The following CNNM1 variants were observed in gnomAD, a reference collection of about 807,000 sequenced individuals.
CNNM1 encodes metal transporter CNNM1.
Under a neutral mutation model 78.8 loss-of-function variants are expected in CNNM1, and 44 were observed. The ratio of observed to expected loss-of-function variants is 0.56; its 90% confidence interval spans 0.44 to 0.72. CNNM1 has a LOEUF of 0.72. CNNM1 is among the 30% of genes least tolerant of loss of function. CNNM1 has a pLI of 0.00. For missense variants in CNNM1, 1,101 were observed against 1,292.2 expected (o/e 0.85, Z 2.27); for synonymous variants, 584 against 581.5 (o/e 1.00, Z -0.06).
intron 6 of CNNM1, among the ~76,000 whole-genome samples, chr10:99,376,085 G>C (rs2031951833): frequency 1.3e-5 from 2 of 152,208 alleles, no homozygotes; most frequent in African/African-American, 2.4e-5. Flanking sequence ...CCCCCCTCAG[G>C]CCTATGCAAG....
intron 1 of CNNM1, among the ~76,000 whole-genome samples, chr10:99,338,036 G>A (rs1181516958): frequency 6.6e-6 from 1 of 152,156 alleles, no homozygotes. Flanking sequence ...AGGGGTATGA[G>A]ATAAAATCTC....
chr10:99,385,043 A>G (rs1589923557), intron 7 of CNNM1, among the ~76,000 whole-genome samples: 1 of 149,114 alleles, frequency 6.7e-6, no homozygotes, highest in African/African-American at 2.5e-5. Context: ...ACAGAGCGAG[A>G]CTCCATCTCA....
chr10:99,356,600 G>GAAAGAAAGAAAGA (rs780076032), intron 1 of CNNM1, among the ~76,000 whole-genome samples: 301 of 129,296 alleles, frequency 2.3e-3, no homozygotes, highest in East Asian at 0.016. Flanking sequence ...AAGAAAGAAA[G>GAAAGAAAGAAAGA]AAAGAAAAGA....
intron 7 of CNNM1, among the ~76,000 whole-genome samples, chr10:99,381,756 C>T (rs1418297661): frequency 1.3e-5 from 2 of 148,894 alleles, no homozygotes; most frequent in South Asian, 4.2e-4. Context: ...AAAAAAAAAC[C>T]AAAAAACAAA....
intron 1 of CNNM1, among the ~76,000 whole-genome samples, chr10:99,347,124 C>G (rs1379644618): frequency 6.6e-6 from 1 of 151,966 alleles, no homozygotes; most frequent in Non-Finnish European, 1.5e-5. Context: ...GTATACCAAA[C>G]CTCTGTGACA....
chr10:99,378,808 G>C (rs1286151444), intron 7 of CNNM1, among the ~76,000 whole-genome samples: 1 of 152,170 alleles, frequency 6.6e-6, no homozygotes, highest in Non-Finnish European at 1.5e-5. Flanking sequence ...TCAAAGTTGG[G>C]TCTTTCTGCC....
At chr10:99,380,904 T>A (rs879613000) in intron 7 of CNNM1, among the ~76,000 whole-genome samples, 1 of 152,036 alleles carries the variant, frequency 6.6e-6, no homozygotes, top group African/African-American at 2.4e-5. Flanking sequence ...AAAGTCTGTT[T>A]CCCAACATGA....
Position 99,340,861 on chromosome 10 carries a change from G to GCTTCCTTC in CNNM1, c.1573+9912_1573+9919dup, listed in dbSNP as rs936044538. On this transcript the variant is annotated intron_variant, in intron 1 of 10. Coordinates refer to ENST00000356713, the MANE Select transcript of CNNM1 (RefSeq NM_020348.3). ...TCTCTTTCTCTTTCTCTCCTTCCCCGCTTCCTTCCTTCCTTCCTGCCTGCC... is the reference window on the plus strand; with the variant it reads ...TCTCTTTCTCTTTCTCTCCTTCCCCGCTTCCTTCCTTCCTTCCTTCCTTCCTGCCTGCC... Among the ~76,000 whole-genome samples the GCTTCCTTC allele has an allele frequency of 8.0e-4, 106 of 132,786 alleles. 3 individuals are homozygous for GCTTCCTTC. Among genetic ancestry groups the GCTTCCTTC allele is most frequent in the Middle Eastern group, 3.7e-3 (1 of 268 alleles). The allele number at this position is 132,786 out of a possible 152,430, so 87.1% of individuals were successfully genotyped here.
At chr10:99,387,692 G>A in intron 7 of CNNM1, 128 bp from the exon 8 acceptor site, 1 of 900,130 alleles carries the variant, frequency 1.1e-6, no homozygotes, top group Middle Eastern at 3.0e-4. Flanking sequence ...CCCCATTCGT[G>A]GATCTCAGGC....
At chr10:99,356,509 A>G (rs1184238171) in intron 1 of CNNM1, among the ~76,000 whole-genome samples, 2 of 148,756 alleles carry the variant, frequency 1.3e-5, no homozygotes, top group African/African-American at 2.5e-5. Context: ...AGAGAGAGAG[A>G]GAAAGAGAAA....
At chr10:99,386,185 G>A (rs1459637140) in intron 7 of CNNM1, among the ~76,000 whole-genome samples, 2 of 152,198 alleles carry the variant, frequency 1.3e-5, no homozygotes, top group South Asian at 2.1e-4. Flanking sequence ...ACACTTTGCT[G>A]CTTTGTCCTG....
chr10:99,376,954 A>C, intron 6 of CNNM1, 101 bp from the exon 7 acceptor site: 1 of 1,178,416 alleles, frequency 8.5e-7, no homozygotes. Context: ...GGACCTCAGT[A>C]AACAACACCT....
intron 7 of CNNM1, among the ~76,000 whole-genome samples, chr10:99,379,539 G>A (rs1340829658): frequency 6.6e-6 from 1 of 152,156 alleles, no homozygotes; most frequent in Non-Finnish European, 1.5e-5. Context: ...CCCATGGTGT[G>A]CAAAGGCAGA....
rs746970894 is a variant in CNNM1 at position 99,387,994 on chromosome 10, A to G, written c.2515A>G (p.Ser839Gly). The change falls in exon 8 of 11, where the codon AGC becomes GGC. Residue 839 changes from serine (S) to glycine (G), a missense_variant. Coordinates refer to ENST00000356713, the MANE Select transcript of CNNM1 (RefSeq NM_020348.3). ...PAITLLNNRNSLPCSRSDGLR... is the reference protein window; with the variant it reads ...PAITLLNNRNGLPCSRSDGLR... ...CATCACGCTCCTCAACAACAGGAAC[A>G]GCCTGCCGTGTAAGTCAGCTGGGCA... 3.1e-6 allele frequency: 5 copies of G among 1,590,180 alleles called. No homozygotes were observed. In the East Asian group the frequency reaches 1.1e-4, roughly 36 times the overall value.
intron 1 of CNNM1, among the ~76,000 whole-genome samples, chr10:99,339,996 ATG>A (rs1457936056): frequency 2.0e-5 from 3 of 152,240 alleles, no homozygotes; most frequent in Non-Finnish European, 2.9e-5. Context: ...CGTTTTTAAA[ATG>A]TGTTAAATGT....
intron 1 of CNNM1, among the ~76,000 whole-genome samples, chr10:99,339,119 A>G (rs529862509): frequency 1.3e-5 from 2 of 152,356 alleles, no homozygotes; most frequent in South Asian, 2.1e-4. Flanking sequence ...TTGCTGGGCT[A>G]GTAACACCAT....
chr10:99,362,117 A>G lies in CNNM1; in HGVS notation c.1859-110A>G. ...CCCTGCCAACCTGATGCCCAGGTAC[A>G]GGCACAGGGGTCCCAGTTGTGCCCA... is the stretch of plus-strand genomic sequence containing the variant. On this transcript the variant is annotated intron_variant, in intron 3 of 10. Transcript: ENST00000356713. 3 of 989,124 alleles carry G rather than the reference A, an allele frequency of 3.0e-6. No individual in the cohort carries two copies. The South Asian group carries it at 5.5e-5, about 18-fold the overall frequency. The allele number at this position is 989,124 out of a possible 1,614,324, so 61.3% of individuals were successfully genotyped here. A position where few individuals can be genotyped will look rare whatever the true frequency, so the allele number is the denominator to read the frequency against.
chr10:99,370,272 A>G (rs1276379231), intron 6 of CNNM1, among the ~76,000 whole-genome samples: 1 of 152,164 alleles, frequency 6.6e-6, no homozygotes, highest in Admixed American at 6.5e-5. Flanking sequence ...GATATTCAAC[A>G]CAACAGGAGA....
chr10:99,387,065 A>G (rs936404160), intron 7 of CNNM1, among the ~76,000 whole-genome samples: 1 of 152,208 alleles, frequency 6.6e-6, no homozygotes, highest in African/African-American at 2.4e-5. Flanking sequence ...AAGGATTCAC[A>G]GTGCCAGTCT....
Sources: allele counts gnomAD v4.1 joint callset (sites outside exome capture counted in the v4.1 genomes callset), GRCh38; gene constraint gnomAD v4.1.1; transcripts MANE v1.5; gene names NCBI Gene and HGNC (gene_info 2026-07-23, HGNC 2026-07-21).